IL1R2: variants seen among roughly 807,000 people sequenced by gnomAD.
IL1R2 encodes the protein interleukin 1 receptor type 2, also known as interleukin-1 receptor type 2.
Under a neutral mutation model 39.5 loss-of-function variants are expected in IL1R2, and 46 were observed. That is an observed-to-expected ratio of 1.16 (90% CI 0.92 to 1.49). IL1R2 has a LOEUF of 1.49. Ranked by LOEUF, IL1R2 falls within the 40% of genes most tolerant of loss-of-function variation. IL1R2 has a pLI of 0.00. For synonymous variants in IL1R2, 207 were observed against 189.6 expected (o/e 1.09, Z -0.75); for missense variants, 537 against 502.0 (o/e 1.07, Z -0.67).
chr2:102,012,496 T>G (rs3218875), intron 3 of IL1R2, among the ~76,000 whole-genome samples: 26,517 of 151,828 alleles, frequency 0.17, 2,828 homozygotes, highest in East Asian at 0.29. Flanking sequence ...TGTGGCAGGG[T>G]ATGTGGGGGG....
intron 1 of IL1R2, among the ~76,000 whole-genome samples, chr2:102,006,782 G>A (rs1676290555): frequency 6.6e-6 from 1 of 152,244 alleles, no homozygotes; most frequent in Non-Finnish European, 1.5e-5. Flanking sequence ...CAGCTGGCAC[G>A]ACTGCTCCCA....
At chr2:101,992,749 A>G (rs1304027325) in intron 1 of IL1R2, among the ~76,000 whole-genome samples, 1 of 151,598 alleles carries the variant, frequency 6.6e-6, no homozygotes, top group African/African-American at 2.4e-5. Flanking sequence ...ACACAGAGAC[A>G]GAGAGAGAGA....
At chr2:101,998,916 G>T (rs1308528775) in intron 1 of IL1R2, 1 of 152,186 alleles carries the variant, frequency 6.6e-6, no homozygotes. Context: ...CAAGTTACAG[G>T]CCAGCCCACA....
chr2:102,018,751 C>T (rs1677168404), intron 4 of IL1R2, among the ~76,000 whole-genome samples: 1 of 152,118 alleles, frequency 6.6e-6, no homozygotes, highest in African/African-American at 2.4e-5. Flanking sequence ...AACTCAAACC[C>T]AGGAGGCCAG....
intron 1 of IL1R2, among the ~76,000 whole-genome samples, chr2:101,994,956 A>G (rs1344103822): frequency 6.6e-6 from 1 of 152,238 alleles, no homozygotes; most frequent in Non-Finnish European, 1.5e-5. Context: ...ATGTTTTCTT[A>G]AATGTCTGTG....
intron 5 of IL1R2, 74 bp downstream of exon 5, chr2:102,019,886 C>G: frequency 7.8e-7 from 1 of 1,277,944 alleles, no homozygotes; most frequent in Non-Finnish European, 1.1e-6. Flanking sequence ...TGACGGTGCA[C>G]GTAGAATTCC....
intron 6 of IL1R2, among the ~76,000 whole-genome samples, chr2:102,023,910 C>T (rs957207838): frequency 2.6e-5 from 4 of 151,932 alleles, no homozygotes; most frequent in African/African-American, 7.3e-5. Context: ...ATTAGCCGGG[C>T]GTGGTGGCGG....
At chr2:102,009,526 G>T (rs755446928) in intron 2 of IL1R2, 36 bp from the exon 3 acceptor site, 3 of 1,599,994 alleles carry the variant, frequency 1.9e-6, no homozygotes, top group South Asian at 1.1e-5. Context: ...GCAAGTTTTG[G>T]ACCCAAAGCC....
chr2:102,024,924 A>T (rs1381558729), intron 7 of IL1R2: 1 of 439,748 alleles, frequency 2.3e-6, no homozygotes. Context: ...TTCATTAAAC[A>T]TTGATCCTTT....
chr2:102,028,179 C>A, intron 8 of IL1R2, 47 bp from the exon 9 acceptor site: 1 of 1,501,780 alleles, frequency 6.7e-7, no homozygotes, highest in Non-Finnish European at 9.0e-7. Context: ...TCCTCTTGTA[C>A]AGTGAGAGAC....
At chr2:102,010,081 ACTCT>A (rs1676527328) in intron 3 of IL1R2, 1 of 506,312 alleles carries the variant, frequency 2.0e-6, no homozygotes, top group Non-Finnish European at 3.5e-6. Context: ...GCCCTCTGTC[ACTCT>A]CTCCTTACCC....
intron 7 of IL1R2, 140 bp from the exon 8 acceptor site, chr2:102,025,971 A>C: frequency 2.8e-5 from 17 of 609,368 alleles, no homozygotes; most frequent in East Asian, 5.9e-5. Flanking sequence ...TATGGTGGCA[A>C]GAGCTCCTAA....
At chr2:102,003,993 A>T (rs1265224647) in intron 1 of IL1R2, among the ~76,000 whole-genome samples, 1 of 101,968 alleles carries the variant, frequency 9.8e-6, no homozygotes, top group Non-Finnish European at 1.8e-5. Context: ...GTCTGGGTCT[A>T]TGTCTATGTC....
rs1282225055 is a variant in IL1R2 at position 102,017,214 on chromosome 2, A to G, written c.513+1163A>G. ...GGAGTTTGAGACCAGCCTGGCCAAC[A>G]TGTCAAAACCCCATCTCTACTAAAA... On this transcript the variant is annotated intron_variant, in intron 4 of 8. Coordinates refer to ENST00000332549, the MANE Select transcript of IL1R2 (RefSeq NM_004633.4). 3.3e-5 allele frequency among the ~76,000 whole-genome samples: 5 copies of G among 152,098 alleles called. No individual in the cohort carries two copies. In the South Asian group the frequency reaches 1.0e-3, roughly 32 times the overall value.
intron 3 of IL1R2, 127 bp downstream of exon 3, chr2:102,009,953 T>A: frequency 9.0e-7 from 1 of 1,110,720 alleles, no homozygotes; most frequent in East Asian, 2.4e-5. Context: ...CCACATTGCA[T>A]CCCGTTTGCT....
intron 4 of IL1R2, 66 bp downstream of exon 4, chr2:102,016,117 G>T (rs1317558371): frequency 2.3e-6 from 3 of 1,295,272 alleles, no homozygotes; most frequent in Non-Finnish European, 3.3e-6. Flanking sequence ...ATAAAAGAAA[G>T]ACTTAAAATA....
At position 102,013,226 on chromosome 2, in the gene IL1R2, C is replaced by T. The variant is rs1676746035; in HGVS notation, c.333-2645C>T. Among the ~76,000 whole-genome samples, 3 of 152,104 alleles carry T rather than the reference C, an allele frequency of 2.0e-5. No individual in the cohort carries two copies. The South Asian group carries it at 6.2e-4, about 32-fold the overall frequency. On this transcript the variant is annotated intron_variant, in intron 3 of 8. Transcript: ENST00000332549. ...GAAATCCCAGTGTATGTCAAACTTT[C>T]TTTGCATGATGGGAAGGTTTACCTG...
In IL1R2 at chr2:102,021,859, C is replaced by T. The variant is rs112454145; in HGVS notation, c.689-328C>T. On this transcript the variant is annotated intron_variant, in intron 5 of 8. Transcript: ENST00000332549. ...GTCAAGTTTCGGGGAAAATCTATCT[C>T]GTGGACCTCATAAACATGATTGTTT... is the stretch of plus-strand genomic sequence containing the variant. Among the ~76,000 whole-genome samples, 659 of 152,290 alleles carry T rather than the reference C, an allele frequency of 4.3e-3. 6 individuals carry two copies. The highest frequency in any genetic ancestry group is 0.015 in the African/African-American group (619 of 41,560).
chr2:101,994,909 A>C (rs1002655739), intron 1 of IL1R2, among the ~76,000 whole-genome samples: 1 of 152,204 alleles, frequency 6.6e-6, no homozygotes, highest in Non-Finnish European at 1.5e-5. Context: ...AAAGTTTTGG[A>C]TGGATCCTAA....
Sources: allele counts gnomAD v4.1 joint callset (sites outside exome capture counted in the v4.1 genomes callset), GRCh38; gene constraint gnomAD v4.1.1; transcripts MANE v1.5; gene names NCBI Gene and HGNC (gene_info 2026-07-23, HGNC 2026-07-21).